The following KCNS2 variants were observed in gnomAD, a reference collection of about 807,000 sequenced individuals.
The protein encoded by KCNS2 is potassium voltage-gated channel modifier subfamily S member 2.
KCNS2 carries 15 observed loss-of-function variants against 28.3 expected under a neutral mutation model. The ratio of observed to expected loss-of-function variants is 0.53; its 90% confidence interval spans 0.35 to 0.82. KCNS2 has a LOEUF of 0.82. Ranked by LOEUF, KCNS2 falls within the 40% of genes least tolerant of loss-of-function variation. KCNS2 has a pLI of 0.01. For synonymous variants in KCNS2, 254 were observed against 256.7 expected (o/e 0.99, Z 0.10); for missense variants, 501 against 617.1 (o/e 0.81, Z 1.99).
At chr8:98,427,914 C>A in intron 1 of KCNS2, 24 bp from the exon 2 acceptor site, 2 of 1,361,204 alleles carry the variant, frequency 1.5e-6, no homozygotes, top group Non-Finnish European at 2.0e-6. Context: ...GCGCTCTCGC[C>A]GACGCTGTTC....
Position 98,430,243 on chromosome 8 carries a change from C to T in KCNS2, c.*830C>T, listed in dbSNP as rs974645525. The T allele has an allele frequency of 6.0e-5, 10 of 167,004 alleles. No homozygotes were observed. In the East Asian group the frequency reaches 1.5e-3, roughly 26 times the overall value. The allele number at this position is 167,004 out of a possible 1,614,324, so 10.3% of individuals were successfully genotyped here. A position where few individuals can be genotyped will look rare whatever the true frequency, so the allele number is the denominator to read the frequency against. ...GCCCCTTGGTTCACAGTCAAGCCTC[C>T]TTGTTTCCTAGGGTGACTGTAGAGA... On this transcript the variant is annotated 3_prime_UTR_variant, in exon 2 of 2. Coordinates refer to ENST00000287042, the MANE Select transcript of KCNS2 (RefSeq NM_020697.4).
At position 98,428,533 on chromosome 8, in the gene KCNS2, T is replaced by C. The variant is rs1338045934; in HGVS notation, c.554T>C (p.Leu185Pro). Residue 185 changes from leucine to proline, a missense_variant, in exon 2 of 2, where the codon CTG (leucine) becomes CCG (proline). Leu to Pro is a moderately conservative substitution (Grantham distance 98). Transcript: ENST00000287042. This position sits in a 1 kb window ranked among gnomAD's most constrained non-coding sequence, Gnocchi z 6.7. ...CTGGACAACCCCGGCTACTCAGTGCTGAGCAGGGTCTTCAGCATCCTGTCC... is the reference window on the plus strand; with the variant it reads ...CTGGACAACCCCGGCTACTCAGTGCCGAGCAGGGTCTTCAGCATCCTGTCC... ...LALDNPGYSV[L>P]SRVFSILSIL... 3 of 1,614,066 alleles carry C rather than the reference T, an allele frequency of 1.9e-6. No individual in the cohort carries two copies. Among genetic ancestry groups the C allele is most frequent in the African/African-American group, 2.7e-5 (2 of 74,920 alleles).
Position 98,431,599 on chromosome 8 carries a change from C to T in KCNS2, c.*2186C>T, listed in dbSNP as rs1818331188. On this transcript the variant is annotated 3_prime_UTR_variant, in exon 2 of 2. Coordinates refer to ENST00000287042, the MANE Select transcript of KCNS2 (RefSeq NM_020697.4). ...GGGTCACTGAGCCTGGTATCCATGG[C>T]CGCTGACCAGGAAGCTTATGCAAAG... 1 of 167,066 alleles carries T rather than the reference C, an allele frequency of 6.0e-6. No individual in the cohort carries two copies. Among genetic ancestry groups the T allele is most frequent in the Non-Finnish European group, 1.5e-5 (1 of 68,128 alleles). The allele number at this position is 167,066 out of a possible 1,614,324, so 10.3% of individuals were successfully genotyped here.
rs1164928487 is a variant in KCNS2 at position 98,428,937 on chromosome 8, G to T, written c.958G>T (p.Ala320Ser). The T allele has an allele frequency of 6.2e-7, 1 of 1,614,122 alleles. No homozygotes were observed. Among genetic ancestry groups the T allele is most frequent in the African/African-American group, 1.3e-5 (1 of 75,024 alleles). ...CTCCACTGGCCTCCGCTCCCTGGGG[G>T]CCACTTTGAAATACAGCTACAAAGA... is the stretch of plus-strand genomic sequence containing the variant. ...RHSTGLRSLG[A>S]TLKYSYKEVG... The change falls in exon 2 of 2, where the codon GCC becomes TCC. Residue 320 changes from alanine to serine, a missense_variant. Transcript: ENST00000287042. This position sits in a 1 kb window ranked among gnomAD's most constrained non-coding sequence, Gnocchi z 6.7.
Position 98,430,049 on chromosome 8 carries a change from G to C in KCNS2, c.*636G>C, listed in dbSNP as rs772193798. 3.6e-5 allele frequency: 6 copies of C among 167,088 alleles called. No individual in the cohort carries two copies. Among genetic ancestry groups the C allele is most frequent in the Non-Finnish European group, 7.3e-5 (5 of 68,156 alleles). The allele number at this position is 167,088 out of a possible 1,614,324, so 10.4% of individuals were successfully genotyped here. On this transcript the variant is annotated 3_prime_UTR_variant, in exon 2 of 2. Coordinates refer to ENST00000287042, the MANE Select transcript of KCNS2 (RefSeq NM_020697.4). ...TGGGTGCACCAATCATCTTTAGAAC[G>C]ATGTACACTGATGTTCATCTCATAA... is the stretch of plus-strand genomic sequence containing the variant.
rs1249414117 is a variant in KCNS2 at position 98,431,929 on chromosome 8, A to AT, written c.*2518dup. 5 of 167,122 alleles carry AT rather than the reference A, an allele frequency of 3.0e-5. No individual in the cohort carries two copies. Among genetic ancestry groups the AT allele is most frequent in the African/African-American group, 1.2e-4 (5 of 41,456 alleles). 10.4% of individuals were successfully genotyped at this position (167,122 alleles called of 1,614,324 possible). A position where few individuals can be genotyped will look rare whatever the true frequency, so the allele number is the denominator to read the frequency against. On this transcript the variant is annotated 3_prime_UTR_variant, in exon 2 of 2. Coordinates refer to ENST00000287042, the MANE Select transcript of KCNS2 (RefSeq NM_020697.4). The stretch of plus-strand genomic sequence containing the variant: ...CTGAGCATGAGAATGTCCCAATAGC[A>AT]TTGAGTTTTTCAAGTGGTGGTTTCA...
Position 98,431,956 on chromosome 8 carries a change from A to G in KCNS2, c.*2543A>G, listed in dbSNP as rs1321568358. The G allele has an allele frequency of 6.0e-6, 1 of 167,110 alleles. No homozygotes were observed. Among genetic ancestry groups the G allele is most frequent in the Non-Finnish European group, 1.5e-5 (1 of 68,130 alleles). 10.4% of individuals were successfully genotyped at this position (167,110 alleles called of 1,614,324 possible). On this transcript the variant is annotated 3_prime_UTR_variant, in exon 2 of 2. Coordinates refer to ENST00000287042, the MANE Select transcript of KCNS2 (RefSeq NM_020697.4). ...TGAGTTTTTCAAGTGGTGGTTTCAG[A>G]TAAGTGGGAGAAAGAACAACCCGGC... is the stretch of plus-strand genomic sequence containing the variant.
chr8:98,431,101 T>C lies in KCNS2; in HGVS notation c.*1688T>C, dbSNP rs1818319124. Reference sequence around the variant, plus strand: ...CTATCCAGGGTTTTCATCCAAAGGTTGGGCCTCTTCTTAAGAGGTCCTTTT... The same window carrying C: ...CTATCCAGGGTTTTCATCCAAAGGTCGGGCCTCTTCTTAAGAGGTCCTTTT... On this transcript the variant is annotated 3_prime_UTR_variant, in exon 2 of 2. Coordinates refer to ENST00000287042, the MANE Select transcript of KCNS2 (RefSeq NM_020697.4). 6.0e-6 allele frequency: 1 copy of C among 167,122 alleles called. No individual in the cohort carries two copies. Among genetic ancestry groups the C allele is most frequent in the South Asian group, 2.1e-4 (1 of 4,830 alleles). The allele number at this position is 167,122 out of a possible 1,614,324, so 10.4% of individuals were successfully genotyped here.
Position 98,428,960 on chromosome 8 carries a change from A to G in KCNS2, c.981A>G (p.Lys327=). ...SLGATLKYSY[K]EVGLLLLYLS... ...GGGCCACTTTGAAATACAGCTACAA[A>G]GAAGTAGGGCTGCTCTTGCTCTACC... The change falls in exon 2 of 2, where the codon AAA becomes AAG. Residue 327 remains lysine (K), a synonymous_variant. Coordinates refer to ENST00000287042, the MANE Select transcript of KCNS2 (RefSeq NM_020697.4). The surrounding 1 kb of genome is among the most constrained non-coding windows in gnomAD (Gnocchi z 6.7). 2 of 1,614,056 alleles carry G rather than the reference A, an allele frequency of 1.2e-6. No homozygotes were observed. Among genetic ancestry groups the G allele is most frequent in the Non-Finnish European group, 1.7e-6 (2 of 1,180,004 alleles).
In KCNS2 at chr8:98,429,666, T is replaced by TCA. The variant is rs1193550531; in HGVS notation, c.*255_*256dup. ...TCTTTGCATCGTGGGCATAAAATGT[T>TCA]CACCTTTTTGCCAGATGAGTACACC... is the stretch of plus-strand genomic sequence containing the variant. On this transcript the variant is annotated 3_prime_UTR_variant, in exon 2 of 2. Coordinates refer to ENST00000287042, the MANE Select transcript of KCNS2 (RefSeq NM_020697.4). 2.1e-6 allele frequency: 1 copy of TCA among 486,978 alleles called. No individual in the cohort carries two copies. Among genetic ancestry groups the TCA allele is most frequent in the East Asian group, 3.2e-5 (1 of 30,886 alleles). The allele number at this position is 486,978 out of a possible 1,614,324, so 30.2% of individuals were successfully genotyped here.
Position 98,429,156 on chromosome 8 carries a change from G to C in KCNS2, c.1177G>C (p.Ala393Pro). Residue 393 changes from alanine to proline, a missense_variant, in exon 2 of 2, where the codon GCC becomes CCC. Transcript: ENST00000287042. The stretch of plus-strand genomic sequence containing the variant: ...CACGGCAGGAAAGCTGACTGCCTCT[G>C]CCTGCATCTTGGCAGGCATCCTCGT... ...GTTAGKLTAS[A>P]CILAGILVVV... is the part of the protein sequence containing the mutation. 6.2e-7 allele frequency: 1 copy of C among 1,613,636 alleles called. No homozygotes were observed. The highest frequency in any genetic ancestry group is 8.5e-7 in the Non-Finnish European group (1 of 1,179,688).
At position 98,428,926 on chromosome 8, in the gene KCNS2, G is replaced by T. The variant is rs760969781; in HGVS notation, c.947G>T (p.Arg316Leu). ...LKLARHSTGL[R>L]SLGATLKYSY... is the part of the protein sequence containing the mutation. ...CTGGCCAGGCACTCCACTGGCCTCCGCTCCCTGGGGGCCACTTTGAAATAC... is the reference window on the plus strand; with the variant it reads ...CTGGCCAGGCACTCCACTGGCCTCCTCTCCCTGGGGGCCACTTTGAAATAC... The change falls in exon 2 of 2, where the codon CGC becomes CTC. Residue 316 changes from arginine to leucine, a missense_variant. Coordinates refer to ENST00000287042, the MANE Select transcript of KCNS2 (RefSeq NM_020697.4). This position sits in a 1 kb window ranked among gnomAD's most constrained non-coding sequence, Gnocchi z 6.7. 1 of 1,614,048 alleles carries T rather than the reference G, an allele frequency of 6.2e-7. No individual in the cohort carries two copies. The highest frequency in any genetic ancestry group is 2.2e-5 in the East Asian group (1 of 44,874).
At position 98,428,015 on chromosome 8, in the gene KCNS2, T is replaced by G; in HGVS notation, c.36T>G (p.Ala12=). Residue 12 remains alanine, a synonymous_variant, in exon 2 of 2, where the codon GCT becomes GCG. Transcript: ENST00000287042. The surrounding 1 kb of genome is among the most constrained non-coding windows in gnomAD (Gnocchi z 6.7). ...TGQSLWDVSE[A]NVEDGEIRIN... is the part of the protein sequence containing the mutation. ...AGAGCCTGTGGGACGTGTCGGAGGC[T>G]AACGTCGAGGACGGGGAGATCCGCA... The G allele has an allele frequency of 2.5e-6, 4 of 1,593,838 alleles. No homozygotes were observed. The highest frequency in any genetic ancestry group is 3.4e-6 in the Non-Finnish European group (4 of 1,169,356).
Position 98,426,992 on chromosome 8 carries a change from C to A in KCNS2, c.-380C>A, listed in dbSNP as rs1408847134. The A allele has an allele frequency of 2.0e-5, 3 of 150,150 alleles. No homozygotes were observed. The highest frequency in any genetic ancestry group is 2.0e-4 in the East Asian group (1 of 5,076). 9.3% of individuals were successfully genotyped at this position (150,150 alleles called of 1,614,324 possible). On this transcript the variant is annotated 5_prime_UTR_variant, in exon 1 of 2. Transcript: ENST00000287042. ...CGCGCCCCGCGCAGGGCGGGCGCCC[C>A]GTCACACCCGCTCTGCTCCCGCCCC...
rs2131068368 is a variant in KCNS2, at chr8:98,428,486, C to T, written c.507C>T (p.Phe169=). ...TCGATGGGCAGCCCCTCGGCAACTT[C>T]CGCAGGCAGCTGTGGCTGGCGCTGG... ...SKFDGQPLGN[F]RRQLWLALDN... The change falls in exon 2 of 2, where the codon TTC becomes TTT. Residue 169 remains phenylalanine (F), a synonymous_variant. Coordinates refer to ENST00000287042, the MANE Select transcript of KCNS2 (RefSeq NM_020697.4). This position sits in a 1 kb window ranked among gnomAD's most constrained non-coding sequence, Gnocchi z 6.7. The T allele has an allele frequency of 6.2e-7, 1 of 1,614,138 alleles. No homozygotes were observed.
Position 98,429,438 on chromosome 8 carries a change from C to T in KCNS2, c.*25C>T, listed in dbSNP as rs757488510. Reference sequence around the variant, plus strand: ...GCCGGGAGGACTTGTCACCCTCCACCCCACATTGCTGAGCTGCCTCTTGTG... The same window carrying T: ...GCCGGGAGGACTTGTCACCCTCCACTCCACATTGCTGAGCTGCCTCTTGTG... On this transcript the variant is annotated 3_prime_UTR_variant, in exon 2 of 2. Transcript: ENST00000287042. 22 of 1,524,964 alleles carry T rather than the reference C, an allele frequency of 1.4e-5. No individual in the cohort carries two copies. The highest frequency in any genetic ancestry group is 6.8e-5 in the Admixed American group (4 of 58,430). The allele number at this position is 1,524,964 out of a possible 1,614,324, so 94.5% of individuals were successfully genotyped here. A position where few individuals can be genotyped will look rare whatever the true frequency, so the allele number is the denominator to read the frequency against.
chr8:98,431,309 G>A lies in KCNS2; in HGVS notation c.*1896G>A, dbSNP rs1296847302. ...AATCTTTCCATTGGACTGGAGGCTT[G>A]TGGGAGGCTGGGAGGTGGCTGTCTC... On this transcript the variant is annotated 3_prime_UTR_variant, in exon 2 of 2. Transcript: ENST00000287042. 1 of 167,122 alleles carries A rather than the reference G, an allele frequency of 6.0e-6. No individual in the cohort carries two copies. Among genetic ancestry groups the A allele is most frequent in the Non-Finnish European group, 1.5e-5 (1 of 68,134 alleles). 10.4% of individuals were successfully genotyped at this position (167,122 alleles called of 1,614,324 possible). A position where few individuals can be genotyped will look rare whatever the true frequency, so the allele number is the denominator to read the frequency against.
chr8:98,428,409 A>G lies in KCNS2; in HGVS notation c.430A>G (p.Thr144Ala), dbSNP rs1460111678. 27 of 1,614,060 alleles carry G rather than the reference A, an allele frequency of 1.7e-5. No homozygotes were observed. Among genetic ancestry groups the G allele is most frequent in the Non-Finnish European group, 2.1e-5 (25 of 1,180,042 alleles). ...GGACGAGCAGAGTGACCAGGAGAGC[A>G]CCACGTCTTCCTTCGATGAGATCCT... Reference protein sequence around the residue: ...KWDEQSDQESTTSSFDEILAF... With the variant: ...KWDEQSDQESATSSFDEILAF... The change falls in exon 2 of 2, where the codon ACC (threonine) becomes GCC (alanine). Residue 144 changes from threonine to alanine, a missense_variant. Transcript: ENST00000287042. The surrounding 1 kb of genome is among the most constrained non-coding windows in gnomAD (Gnocchi z 6.7).
intron 1 of KCNS2, 44 bp from the exon 2 acceptor site, chr8:98,427,894 A>G (rs1298011898): frequency 5.0e-6 from 6 of 1,209,582 alleles, no homozygotes; most frequent in Non-Finnish European, 6.8e-6. Flanking sequence ...GGGCCCCGCC[A>G]GGGCGCACGG....
Sources: allele counts gnomAD v4.1 joint callset, GRCh38; gene constraint gnomAD v4.1.1; non-coding constraint Gnocchi (gnomAD v3.1); transcripts MANE v1.5; gene names NCBI Gene and HGNC (gene_info 2026-07-23, HGNC 2026-07-21).